NHLRC2: variants seen among roughly 807,000 people sequenced by gnomAD.
NHLRC2 encodes the protein NHL repeat-containing protein 2.
NHLRC2 carries 33 observed loss-of-function variants against 68.1 expected under a neutral mutation model. The ratio of observed to expected loss-of-function variants is 0.48; its 90% CI spans 0.37 to 0.65. The LOEUF (loss-of-function observed/expected upper bound fraction) is 0.65. Among genes scored for constraint, NHLRC2 ranks in the 30% least tolerant of loss-of-function variants. The pLI is 0.00. For missense variants in NHLRC2, 761 were observed against 853.8 expected, an observed-to-expected ratio of 0.89 and a Z score of 1.35; for synonymous variants, 311 against 309.6, an observed-to-expected ratio of 1.00 and a Z score of -0.05.
At chr10:113,875,414 TCTC>T (rs1369707562) in intron 2 of NHLRC2, among the ~76,000 whole-genome samples, 2 of 152,156 alleles carry the variant, frequency 1.3e-5, no homozygotes, top group African/African-American at 2.4e-5. Context: ...CCCCAGCTGT[TCTC>T]CTCAGGGTTT....
rs187716339 is a variant in NHLRC2 at position 113,866,042 on chromosome 10, C to T, written c.331+7362C>T. 3.4e-4 allele frequency among the ~76,000 whole-genome samples: 52 copies of T among 152,290 alleles called. No individual in the cohort carries two copies. The East Asian group carries it at 6.6e-3, about 19-fold the overall frequency. ...TCATTTTACCATAAAGCCAAAAATG[C>T]TCCACTGAATAAGGAAGTGTTTATT... On this transcript the variant is annotated intron_variant, in intron 2 of 10. Transcript: ENST00000369301.
chr10:113,899,532 T>C (rs1400188245), intron 6 of NHLRC2, among the ~76,000 whole-genome samples: 1 of 152,166 alleles, frequency 6.6e-6, no homozygotes, highest in Non-Finnish European at 1.5e-5. Context: ...AAGGATACAA[T>C]GAAAAGATGT....
intron 5 of NHLRC2, 52 bp from the exon 6 acceptor site, chr10:113,898,058 T>G: frequency 9.9e-7 from 1 of 1,006,596 alleles, no homozygotes; most frequent in South Asian, 1.6e-5. Context: ...ACCATTGGAG[T>G]GTTTGTATTA....
intron 4 of NHLRC2, 68 bp downstream of exon 4, chr10:113,879,763 A>G (rs1846020498): frequency 9.5e-7 from 1 of 1,051,312 alleles, no homozygotes; most frequent in Admixed American, 2.7e-5. Flanking sequence ...GCTACATTAA[A>G]TATTTGAAGT....
chr10:113,879,722 A>G, intron 4 of NHLRC2, 27 bp downstream of exon 4: 1 of 1,369,336 alleles, frequency 7.3e-7, no homozygotes, highest in Non-Finnish European at 1.0e-6. Flanking sequence ...ATTTGTTTTA[A>G]TACTTACAAT....
chr10:113,855,064 G>T lies in NHLRC2; in HGVS notation c.178+14G>T. Reference sequence around the variant, plus strand: ...AGTTTCCGGAAGGTGAGGGGCTGGCGTCGGGGTGGGGGCCCCTCCCGGCAC... The same window carrying T: ...AGTTTCCGGAAGGTGAGGGGCTGGCTTCGGGGTGGGGGCCCCTCCCGGCAC... On this transcript the variant is annotated intron_variant, in intron 1 of 10. Coordinates refer to ENST00000369301, the MANE Select transcript of NHLRC2 (RefSeq NM_198514.4). 1 of 1,549,178 alleles carries T rather than the reference G, an allele frequency of 6.5e-7. No homozygotes were observed. The highest frequency in any genetic ancestry group is 1.2e-5 in the South Asian group (1 of 83,978).
At position 113,884,107 on chromosome 10, in the gene NHLRC2, AATTG is replaced by A. The variant is rs1243747494; in HGVS notation, c.910-139_910-136del. 8.0e-4 allele frequency: 440 copies of A among 551,446 alleles called. 1 individual carries two copies. The highest frequency in any genetic ancestry group is 2.3e-4 in the Non-Finnish European group (74 of 321,404). 34.2% of individuals were successfully genotyped at this position (551,446 alleles called of 1,614,324 possible). A position where few individuals can be genotyped will look rare whatever the true frequency, so the allele number is the denominator to read the frequency against. On this transcript the variant is annotated intron_variant, in intron 4 of 10. Transcript: ENST00000369301. Reference sequence around the variant, plus strand: ...CATTTGAATAAGAAGTTCATTCTATAATTGATTGGCCTTTTTTCATAATAAAACT... The same window carrying A: ...CATTTGAATAAGAAGTTCATTCTATAATTGGCCTTTTTTCATAATAAAACT...
At chr10:113,884,483 AT>A in intron 5 of NHLRC2, 103 bp downstream of exon 5, 1 of 907,216 alleles carries the variant, frequency 1.1e-6, no homozygotes, top group Non-Finnish European at 1.6e-6. Flanking sequence ...TAGTTATTTT[AT>A]TTTATACTTT....
chr10:113,862,999 T>C (rs973186611), intron 2 of NHLRC2, among the ~76,000 whole-genome samples: 2 of 152,068 alleles, frequency 1.3e-5, no homozygotes, highest in African/African-American at 4.8e-5. Flanking sequence ...AATACATAGA[T>C]GATATGATTA....
chr10:113,884,207 AAAGTAACATTCATTGCAT>A, intron 4 of NHLRC2, 26 bp from the exon 5 acceptor site: 1 of 1,579,432 alleles, frequency 6.3e-7, no homozygotes, highest in South Asian at 1.1e-5. Flanking sequence ...GACAAAAGCA[AAAGTAACATTCATTGCAT>A]AAAACCATCC....
intron 2 of NHLRC2, among the ~76,000 whole-genome samples, chr10:113,865,355 C>T (rs1031129034): frequency 6.0e-5 from 9 of 149,492 alleles, no homozygotes; most frequent in Non-Finnish European, 1.3e-4. Context: ...TTTGCTGGCC[C>T]AATAACTCAC....
In NHLRC2 at chr10:113,908,293, A is replaced by G. The variant is rs1846293071; in HGVS notation, c.1938A>G (p.Leu646=). The part of the protein sequence containing the change: ...WFLTAEGNEW[L]LQGQIAAGDI... ...TTTGATTTTTAGGCAATGAATGGCT[A>G]CTTCAAGGACAGATAGCAGCTGGAG... Residue 646 remains leucine, a synonymous_variant, in exon 11 of 11, where the codon CTA becomes CTG. Transcript: ENST00000369301. 1.2e-6 allele frequency: 2 copies of G among 1,613,220 alleles called. No homozygotes were observed. Among genetic ancestry groups the G allele is most frequent in the Non-Finnish European group, 1.7e-6 (2 of 1,179,182 alleles).
At position 113,901,824 on chromosome 10, in the gene NHLRC2, G is replaced by A. The variant is rs768298859; in HGVS notation, c.1298G>A (p.Ser433Asn). 8 of 1,614,158 alleles carry A rather than the reference G, an allele frequency of 5.0e-6. No homozygotes were observed. The Admixed American group carries it at 8.3e-5, about 17-fold the overall frequency. ...TGCTTGTTTGTAGCAGATAGTGAGA[G>A]CAGTACAGTGAGAACCGTTTCACTG... ...WSCLFVADSESSTVRTVSLKD... is the reference protein window; with the variant it reads ...WSCLFVADSENSTVRTVSLKD... Residue 433 changes from serine (S) to asparagine (N), a missense_variant, in exon 7 of 11, where the codon AGC becomes AAC. Physicochemically the swap from Ser to Asn is conservative, Grantham distance 46 (BLOSUM62 1). Transcript: ENST00000369301.
intron 8 of NHLRC2, 31 bp from the exon 9 acceptor site, chr10:113,903,496 G>GT (rs1409892459): frequency 6.0e-6 from 8 of 1,344,246 alleles, no homozygotes; most frequent in African/African-American, 1.5e-5. Flanking sequence ...TTGATCTTCA[G>GT]TTATATAAGT....
Position 113,891,031 on chromosome 10 carries a change from A to G in NHLRC2, c.1039+6651A>G, listed in dbSNP as rs576761807. Among the ~76,000 whole-genome samples, 37 of 152,160 alleles carry G rather than the reference A, an allele frequency of 2.4e-4. No individual in the cohort carries two copies. In the South Asian group the frequency reaches 7.3e-3, roughly 30 times the overall value. ...TCATGAGAACAGCAAGAGGGAAACT[A>G]CCCCCATGATCCAATCACTTTCCAC... On this transcript the variant is annotated intron_variant, in intron 5 of 10. Transcript: ENST00000369301.
intron 4 of NHLRC2, among the ~76,000 whole-genome samples, chr10:113,883,832 A>G (rs1476770462): frequency 6.6e-6 from 1 of 151,950 alleles, no homozygotes; most frequent in Admixed American, 6.6e-5. Flanking sequence ...CTTGCTCACT[A>G]TTGGATTAGT....
intron 1 of NHLRC2, among the ~76,000 whole-genome samples, chr10:113,857,699 C>T (rs1185735536): frequency 6.6e-6 from 1 of 152,082 alleles, no homozygotes; most frequent in South Asian, 2.1e-4. Context: ...CAAAATCTTT[C>T]TTCATAGTAC....
At chr10:113,906,834 A>G (rs1315651574) in intron 10 of NHLRC2, among the ~76,000 whole-genome samples, 1 of 152,174 alleles carries the variant, frequency 6.6e-6, no homozygotes, top group Non-Finnish European at 1.5e-5. Flanking sequence ...TAAAAATACA[A>G]AAAATTAGCC....
chr10:113,854,891 C>A lies in NHLRC2; in HGVS notation c.19C>A (p.Arg7=). 1 of 1,546,910 alleles carries A rather than the reference C, an allele frequency of 6.5e-7. No individual in the cohort carries two copies. The highest frequency in any genetic ancestry group is 1.2e-5 in the South Asian group (1 of 83,916). ...CGGAAACATGGCGGCGCCCGGAGGC[C>A]GGGGCCGCAGCCTCTCCGGCCTGCT... MAAPGG[R]GRSLSGLLPA... is the part of the protein sequence containing the mutation. The change falls in exon 1 of 11, where the codon CGG becomes AGG. Residue 7 remains arginine (R), a synonymous_variant. Coordinates refer to ENST00000369301, the MANE Select transcript of NHLRC2 (RefSeq NM_198514.4).
Sources: allele counts gnomAD v4.1 joint callset (sites outside exome capture counted in the v4.1 genomes callset), GRCh38; gene constraint gnomAD v4.1.1; transcripts MANE v1.5; gene names NCBI Gene and HGNC (gene_info 2026-07-23, HGNC 2026-07-21).